The following C1QTNF3 variants were observed in gnomAD, a reference collection of about 807,000 sequenced individuals.
The protein encoded by C1QTNF3 is C1q and TNF related 3.
C1QTNF3 carries 26 observed loss-of-function variants against 32.6 expected under a neutral mutation model. The observed-to-expected ratio is 0.80, with a 90% CI of 0.58 to 1.11. The LOEUF (loss-of-function observed/expected upper bound fraction) is 1.11. Among genes scored for constraint, C1QTNF3 ranks in the 50% least tolerant of loss-of-function variants. C1QTNF3 has a pLI of 0.00. For missense variants in C1QTNF3, 362 were observed against 398.2 expected (o/e 0.91, Z 0.77); for synonymous variants, 155 against 146.0 (o/e 1.06, Z -0.44).
upstream of C1QTNF3, chr5:34,043,256 T>C (rs1754919643): frequency 1.1e-6 from 1 of 930,674 alleles, no homozygotes; most frequent in Admixed American, 2.7e-5. Context: ...TGGTGTGTAA[T>C]AAATAAGGCT....
the C1QTNF3 span, among the ~76,000 whole-genome samples, chr5:34,079,029 A>G: frequency 4.6e-5 from 7 of 151,518 alleles, no homozygotes; most frequent in Non-Finnish European, 1.0e-4. Flanking sequence ...CCTTCCCTAC[A>G]TTTGCATATC....
the C1QTNF3 span, among the ~76,000 whole-genome samples, chr5:34,116,980 C>A: frequency 6.6e-6 from 1 of 152,148 alleles, no homozygotes; most frequent in Admixed American, 6.5e-5. Context: ...ATTGTAAATA[C>A]ATTTTAATTT....
the C1QTNF3 span, among the ~76,000 whole-genome samples, chr5:34,094,464 G>C: frequency 6.6e-6 from 1 of 151,788 alleles, no homozygotes; most frequent in African/African-American, 2.4e-5. Flanking sequence ...AATAGAGCAA[G>C]TCCTATGAAT....
chr5:34,085,181 G>A, the C1QTNF3 span, among the ~76,000 whole-genome samples: 1 of 148,544 alleles, frequency 6.7e-6, no homozygotes, highest in East Asian at 2.0e-4. Flanking sequence ...TTTTTTTGTA[G>A]AGACCGGGTT....
At chr5:34,119,038 C>T in the C1QTNF3 span, among the ~76,000 whole-genome samples, 1 of 151,950 alleles carries the variant, frequency 6.6e-6, no homozygotes, top group Non-Finnish European at 1.5e-5. Context: ...TTCAGAGCAA[C>T]AAAAAACAAA....
At chr5:34,197,412 C>G in the C1QTNF3 span, among the ~76,000 whole-genome samples, 5 of 152,096 alleles carry the variant, frequency 3.3e-5, no homozygotes, top group Non-Finnish European at 5.9e-5. Context: ...AAAGAAATCC[C>G]AAAATAAATA....
At chr5:34,115,752 T>C in the C1QTNF3 span, among the ~76,000 whole-genome samples, 1 of 151,596 alleles carries the variant, frequency 6.6e-6, no homozygotes, top group African/African-American at 2.4e-5. Context: ...AAAAAAACTT[T>C]CAGCTGGTAT....
the C1QTNF3 span, among the ~76,000 whole-genome samples, chr5:34,112,217 CAGAG>C: frequency 3.0e-4 from 45 of 152,208 alleles, no homozygotes; most frequent in East Asian, 8.5e-3. Context: ...CATGGACAGA[CAGAG>C]ATTTTATTAC....
the C1QTNF3 span, among the ~76,000 whole-genome samples, chr5:34,140,004 C>A: frequency 6.6e-6 from 1 of 152,122 alleles, no homozygotes; most frequent in Non-Finnish European, 1.5e-5. Context: ...TATAGAAGTA[C>A]AGACACCCGC....
chr5:34,022,708 T>C (rs945040888), intron 5 of C1QTNF3, among the ~76,000 whole-genome samples: 7 of 152,192 alleles, frequency 4.6e-5, no homozygotes, highest in African/African-American at 1.7e-4. Flanking sequence ...TGGAAAACAA[T>C]GTGACTAAGT....
At chr5:34,237,735 CCCAAACA>C in the C1QTNF3 span, among the ~76,000 whole-genome samples, 2 of 152,102 alleles carry the variant, frequency 1.3e-5, no homozygotes, top group Non-Finnish European at 2.9e-5. Context: ...GTGCAGGGAA[CCCAAACA>C]CTACAGCTAG....
chr5:34,056,475 T>TAGAGAG, the C1QTNF3 span, among the ~76,000 whole-genome samples: 2 of 101,262 alleles, frequency 2.0e-5, no homozygotes, highest in Non-Finnish European at 3.8e-5. Context: ...TATATATATA[T>TAGAGAG]ATATAGAGAG....
the C1QTNF3 span, among the ~76,000 whole-genome samples, chr5:34,056,065 C>T: frequency 2.0e-5 from 3 of 152,296 alleles, 1 homozygote; most frequent in South Asian, 6.2e-4. Context: ...TTAGAAATGG[C>T]ATCCATCAGT....
chr5:34,073,559 A>G, the C1QTNF3 span, among the ~76,000 whole-genome samples: 446 of 152,324 alleles, frequency 2.9e-3, 3 homozygotes, highest in African/African-American at 0.01. Flanking sequence ...CACCTTCAAC[A>G]CACATTCCCC....
the C1QTNF3 span, among the ~76,000 whole-genome samples, chr5:34,215,486 T>C: frequency 6.6e-6 from 1 of 152,184 alleles, no homozygotes; most frequent in African/African-American, 2.4e-5. Context: ...AGGGAACCGG[T>C]GGCTTCTTTA....
chr5:34,040,087 T>C (rs953456475), intron 1 of C1QTNF3, among the ~76,000 whole-genome samples: 10 of 152,246 alleles, frequency 6.6e-5, no homozygotes. Context: ...GAGTCTTTTG[T>C]TGGAACTCTT....
At chr5:34,136,402 CTCA>C in the C1QTNF3 span, among the ~76,000 whole-genome samples, 1 of 152,046 alleles carries the variant, frequency 6.6e-6, no homozygotes, top group Non-Finnish European at 1.5e-5. Flanking sequence ...TGAAAAAATG[CTCA>C]TCGTCACTAG....
the C1QTNF3 span, among the ~76,000 whole-genome samples, chr5:34,049,989 G>C: frequency 2.0e-5 from 3 of 152,188 alleles, no homozygotes; most frequent in Non-Finnish European, 4.4e-5. Flanking sequence ...CCACAAGATA[G>C]CCAAGTTGAC....
rs770477258 is a variant in C1QTNF3, at chr5:34,024,007, A to G, written c.702T>C (p.Gly234=). Residue 234 remains glycine (G), a splice_region_variant and synonymous_variant, in exon 5 of 6, where the codon GGT becomes GGC. Coordinates refer to ENST00000382065, the MANE Select transcript of C1QTNF3 (RefSeq NM_181435.6). ...MTGRFGAPVS[G]VYFFTFSMMK... is the part of the protein sequence containing the mutation. ...TCATGCTGAAGGTGAAGAAATACAC[A>G]CCTGAAAAAAGCAGGTATATATCCA... 1 of 1,613,254 alleles carries G rather than the reference A, an allele frequency of 6.2e-7. No individual in the cohort carries two copies. The highest frequency in any genetic ancestry group is 1.7e-5 in the Admixed American group (1 of 60,004).
Sources: gnomAD v4.1 joint callset for allele counts (sites outside exome capture counted in the v4.1 genomes callset) on GRCh38, gnomAD v4.1.1 for gene constraint, MANE v1.5 for transcripts, NCBI Gene and HGNC (gene_info 2026-07-23, HGNC 2026-07-21) for gene names.